Variants in MILR1 observed in about 807,000 individuals in gnomAD.
The protein encoded by MILR1 is mast cell immunoglobulin like receptor 1, also known as allergin-1.
MILR1 carries 31 observed loss-of-function variants against 18.5 expected under a neutral mutation model. That is an observed-to-expected ratio of 1.68 (90% CI 1.26 to 2.26). The LOEUF (loss-of-function observed/expected upper bound fraction) is 2.26, where lower values mean the gene tolerates loss of function less well. Ranked by LOEUF, MILR1 falls within the 30% of genes most tolerant of loss-of-function variation. The pLI, the probability that MILR1 is intolerant of heterozygous loss-of-function variation, is 0.00. For missense variants in MILR1, 257 were observed against 157.4 expected (o/e 1.63, Z -3.38); for synonymous variants, 85 against 56.2 (o/e 1.51, Z -2.30).
rs1464936252 is a variant in MILR1, at chr17:64,452,786, A to G, written c.287A>G (p.His96Arg). ...TTTAACCTAAGCATCACAGAAGCCCATGAATCAGGCCCCTACAAATGCAAA... is the reference window on the plus strand; with the variant it reads ...TTTAACCTAAGCATCACAGAAGCCCGTGAATCAGGCCCCTACAAATGCAAA... ...AIFNLSITEA[H>R]ESGPYKCKAQ... is the part of the protein sequence containing the mutation. The change falls in exon 3 of 10, where the codon CAT becomes CGT. Residue 96 changes from histidine to arginine, a missense_variant. Coordinates refer to ENST00000619286, the MANE Select transcript of MILR1 (RefSeq NM_001085423.2). The G allele has an allele frequency of 4.2e-6, 2 of 475,260 alleles. No individual in the cohort carries two copies. Among genetic ancestry groups the G allele is most frequent in the Non-Finnish European group, 3.9e-6 (1 of 259,042 alleles). The allele number at this position is 475,260 out of a possible 1,614,324, so 29.4% of individuals were successfully genotyped here. A position where few individuals can be genotyped will look rare whatever the true frequency, so the allele number is the denominator to read the frequency against.
At chr17:64,462,082 A>G (rs959201336) in intron 5 of MILR1, among the ~76,000 whole-genome samples, 1,945 of 152,288 alleles carry the variant, frequency 0.013, 44 homozygotes, top group African/African-American at 0.044. Context: ...GTGTGAAATT[A>G]TTAATGTTTT....
At chr17:64,473,076 G>A (rs1014136333), downstream of MILR1, among the ~76,000 whole-genome samples, 2 of 152,104 alleles carry the variant, frequency 1.3e-5, no homozygotes, top group Non-Finnish European at 2.9e-5. Flanking sequence ...TTGGCCGGGC[G>A]TGGTGGCTCA....
chr17:64,460,979 G>C, intron 5 of MILR1, 47 bp downstream of exon 5: 1 of 468,866 alleles, frequency 2.1e-6, no homozygotes, highest in Admixed American at 3.2e-5. Flanking sequence ...GTGGGCTTGG[G>C]ATACAGACAG....
At chr17:64,458,175 C>CTCCT (rs1266889377) in intron 4 of MILR1, among the ~76,000 whole-genome samples, 2 of 137,544 alleles carry the variant, frequency 1.5e-5, no homozygotes, top group African/African-American at 5.3e-5. Flanking sequence ...CCTTCCTTCC[C>CTCCT]TCCTTCCTTC....
At chr17:64,466,135 G>C (rs1022829564) in intron 6 of MILR1, among the ~76,000 whole-genome samples, 1 of 152,152 alleles carries the variant, frequency 6.6e-6, no homozygotes, top group African/African-American at 2.4e-5. Flanking sequence ...GCCAAGGGAA[G>C]GGGGAAACCC....
chr17:64,485,519 G>T, the MILR1 span: 2 of 579,114 alleles, frequency 3.5e-6, no homozygotes, highest in Admixed American at 6.0e-5. Context: ...ATGCCTTTGG[G>T]ATTACTTATT....
Position 64,457,463 on chromosome 17 carries a change from C to G in MILR1, c.431C>G (p.Thr144Arg). Residue 144 changes from threonine to arginine, a missense_variant, in exon 4 of 10, where the codon ACA becomes AGA. Transcript: ENST00000619286. ...CAAACAGAAACAGACCGACATATAA[C>G]ATTACATTGCCTCTCAGTCAATGGC... ...VIQTETDRHITLHCLSVNGSL... is the reference protein window; with the variant it reads ...VIQTETDRHIRLHCLSVNGSL... 1 of 475,418 alleles carries G rather than the reference C, an allele frequency of 2.1e-6. No homozygotes were observed. The highest frequency in any genetic ancestry group is 3.9e-6 in the Non-Finnish European group (1 of 259,054). 29.4% of individuals were successfully genotyped at this position (475,418 alleles called of 1,614,324 possible).
At chr17:64,476,246 CATT>C in the MILR1 span, among the ~76,000 whole-genome samples, 19 of 152,008 alleles carry the variant, frequency 1.2e-4, no homozygotes, top group Non-Finnish European at 1.2e-4. Flanking sequence ...AACATACTAC[CATT>C]ATCACACCCA....
intron 5 of MILR1, among the ~76,000 whole-genome samples, chr17:64,461,468 C>T (rs2037430804): frequency 1.3e-5 from 2 of 152,112 alleles, no homozygotes; most frequent in South Asian, 2.1e-4. Context: ...AGGCTGGTCC[C>T]GAACTCCCAG....
chr17:64,460,360 C>T (rs1245575225), intron 4 of MILR1, among the ~76,000 whole-genome samples: 5 of 151,612 alleles, frequency 3.3e-5, no homozygotes, highest in African/African-American at 9.7e-5. Context: ...TTTATAGAGA[C>T]AGGGTCTGGT....
chr17:64,493,508 G>A, the MILR1 span, among the ~76,000 whole-genome samples: 2 of 151,030 alleles, frequency 1.3e-5, no homozygotes, highest in Non-Finnish European at 3.0e-5. Flanking sequence ...TTTTTGAGAT[G>A]GAGTCTCGCT....
At chr17:64,485,603 ACTTAG>A in the MILR1 span, 1 of 808,316 alleles carries the variant, frequency 1.2e-6, no homozygotes, top group Middle Eastern at 3.2e-4. Flanking sequence ...ACTGAAAAAT[ACTTAG>A]ACTACATGCA....
At chr17:64,470,369 C>T (rs2037669156), downstream of MILR1, among the ~76,000 whole-genome samples, 1 of 152,206 alleles carries the variant, frequency 6.6e-6, no homozygotes, top group African/African-American at 2.4e-5. Flanking sequence ...GCTGGGATTA[C>T]AGGCATGAGC....
the MILR1 span, among the ~76,000 whole-genome samples, chr17:64,476,257 C>T: frequency 2.0e-5 from 3 of 151,734 alleles, no homozygotes; most frequent in Non-Finnish European, 1.5e-5. Context: ...ATTATCACAC[C>T]CAACAAAATT....
chr17:64,490,624 A>C, the MILR1 span: 16 of 633,420 alleles, frequency 2.5e-5, no homozygotes, highest in Non-Finnish European at 4.5e-5. Context: ...GATTACTGTT[A>C]ATTTCCTGAT....
chr17:64,451,145 T>C (rs1041631899), intron 2 of MILR1, among the ~76,000 whole-genome samples: 7,044 of 151,848 alleles, frequency 0.046, 573 homozygotes, highest in African/African-American at 0.16. Context: ...GGGTTTTTTT[T>C]TTTCTTTCTT....
the MILR1 span, among the ~76,000 whole-genome samples, chr17:64,474,414 G>A: frequency 5.9e-5 from 9 of 151,912 alleles, no homozygotes; most frequent in Non-Finnish European, 1.2e-4. Context: ...TTGCTCTGTT[G>A]CCCAGGCAGG....
intron 5 of MILR1, 88 bp from the exon 6 acceptor site, chr17:64,465,364 C>G: frequency 1.1e-6 from 1 of 936,618 alleles, no homozygotes; most frequent in African/African-American, 1.7e-5. Context: ...TGTTTCAGAA[C>G]TTTGAGGGAA....
At chr17:64,480,871 A>T in the MILR1 span, among the ~76,000 whole-genome samples, 37 of 152,204 alleles carry the variant, frequency 2.4e-4, 1 homozygote. Flanking sequence ...ACCCCGGAAA[A>T]TGTTTCAAGA....
Sources: gnomAD v4.1 joint callset for allele counts (sites outside exome capture counted in the v4.1 genomes callset) on GRCh38, gnomAD v4.1.1 for gene constraint, MANE v1.5 for transcripts, NCBI Gene and HGNC (gene_info 2026-07-23, HGNC 2026-07-21) for gene names.